The following VTI1A variants were observed in gnomAD, a reference collection of about 807,000 sequenced individuals.
VTI1A encodes the protein vesicle transport through interaction with t-SNAREs homolog 1A.
A neutral mutation model predicts 34.9 loss-of-function variants in VTI1A; 22 were observed. That is an observed-to-expected ratio of 0.63 (90% CI 0.45 to 0.90). The LOEUF is 0.90. Ranked by LOEUF, VTI1A falls within the 40% of genes least tolerant of loss-of-function variation. The probability of loss-of-function intolerance (pLI) is 0.00; values close to 1 mark genes in which losing one functional copy is unlikely to be tolerated. For missense variants in VTI1A, 268 were observed against 275.6 expected (o/e 0.97, Z 0.20); for synonymous variants, 87 against 97.3 (o/e 0.89, Z 0.62).
chr10:112,719,321 CA>C (rs1849713107), intron 7 of VTI1A, among the ~76,000 whole-genome samples: 2 of 152,156 alleles, frequency 1.3e-5, no homozygotes, highest in South Asian at 4.1e-4. Flanking sequence ...ATGTACAAAG[CA>C]ATTATCCACA....
chr10:112,480,519 T>C (rs1017653384), intron 3 of VTI1A, among the ~76,000 whole-genome samples: 3 of 152,074 alleles, frequency 2.0e-5, no homozygotes, highest in Non-Finnish European at 4.4e-5. Context: ...CATATGTGTG[T>C]GTGTGCATGT....
intron 7 of VTI1A, among the ~76,000 whole-genome samples, chr10:112,696,437 A>G (rs1165136148): frequency 2.6e-5 from 4 of 152,136 alleles, no homozygotes; most frequent in Non-Finnish European, 4.4e-5. Context: ...ATTGTTTCAG[A>G]TTTCAGGATG....
At chr10:112,719,227 C>T (rs1849709651) in intron 7 of VTI1A, among the ~76,000 whole-genome samples, 1 of 152,118 alleles carries the variant, frequency 6.6e-6, no homozygotes, top group South Asian at 2.1e-4. Flanking sequence ...CTGCAATAGC[C>T]TTGTTTATTC....
At chr10:112,696,618 A>G (rs1324392781) in intron 7 of VTI1A, among the ~76,000 whole-genome samples, 3 of 152,226 alleles carry the variant, frequency 2.0e-5, no homozygotes, top group South Asian at 4.1e-4. Flanking sequence ...AAGAAAACCT[A>G]TGAGCAACTT....
chr10:112,689,745 G>A lies in VTI1A; in HGVS notation c.560+20747G>A, dbSNP rs116470655. On this transcript the variant is annotated intron_variant, in intron 7 of 7. Transcript: ENST00000393077. ...CTACAGATTTTTTTACTTTTGCTCTGCACAGTTTTTTTTTTAATTATTATT... is the reference window on the plus strand; with the variant it reads ...CTACAGATTTTTTTACTTTTGCTCTACACAGTTTTTTTTTTAATTATTATT... 5.8e-3 allele frequency among the ~76,000 whole-genome samples: 882 copies of A among 151,966 alleles called. 13 individuals carry two copies. Among genetic ancestry groups the A allele is most frequent in the African/African-American group, 0.02 (839 of 41,454 alleles).
Position 112,538,272 on chromosome 10 carries a change from GA to G in VTI1A, c.370del (p.Arg124GlyfsTer9). 1 of 1,613,396 alleles carries G rather than the reference GA, an allele frequency of 6.2e-7. No individual in the cohort carries two copies. On this transcript the variant is annotated frameshift_variant, in exon 5 of 8. Coordinates refer to ENST00000393077, the MANE Select transcript of VTI1A (RefSeq NM_145206.4). LOFTEE classifies it high-confidence loss of function. ...QRAHLLDNTE[R>X]LERSSRRLEA... ...GGGCACATCTGCTCGATAACACAGA[GA>G]GGCTGGAAAGGTCATCTCGGAGACT...
intron 1 of VTI1A, 36 bp downstream of exon 1, chr10:112,447,503 G>T (rs1267062835): frequency 3.1e-6 from 5 of 1,606,448 alleles, no homozygotes; most frequent in South Asian, 1.1e-5. Context: ...GGGTGCTGGG[G>T]AGAGCTGGGA....
At chr10:112,723,360 A>G (rs898238217) in intron 7 of VTI1A, among the ~76,000 whole-genome samples, 6 of 152,176 alleles carry the variant, frequency 3.9e-5, no homozygotes, top group African/African-American at 1.4e-4. Context: ...CAGCTCTAGA[A>G]CTTCCCGATG....
rs550964475 is a variant in VTI1A, at chr10:112,752,912, G to A, written c.561-62378G>A. ...TTTTTTACCAATGCCCTTTTTTTTT[G>A]TATGATAGAGGTCTATAATTTGTGG... On this transcript the variant is annotated intron_variant, in intron 7 of 7. Coordinates refer to ENST00000393077, the MANE Select transcript of VTI1A (RefSeq NM_145206.4). Among the ~76,000 whole-genome samples, 128 of 151,010 alleles carry A rather than the reference G, an allele frequency of 8.5e-4. 1 individual carries two copies. Among genetic ancestry groups the A allele is most frequent in the African/African-American group, 3.1e-3 (127 of 41,196 alleles).
intron 7 of VTI1A, chr10:112,737,897 T>G: frequency 9.4e-7 from 1 of 1,062,542 alleles, no homozygotes; most frequent in Non-Finnish European, 1.1e-6. Flanking sequence ...TTTCAGCGAG[T>G]GTGAGGGAGA....
chr10:112,749,892 A>T (rs1019520913), intron 7 of VTI1A, among the ~76,000 whole-genome samples: 19 of 152,204 alleles, frequency 1.2e-4, no homozygotes, highest in African/African-American at 4.6e-4. Context: ...GCAGTAGCAT[A>T]CTATATAGCT....
At chr10:112,848,144 C>A in the VTI1A span, among the ~76,000 whole-genome samples, 1 of 152,220 alleles carries the variant, frequency 6.6e-6, no homozygotes, top group African/African-American at 2.4e-5. Context: ...TTTGTTTCAA[C>A]AGGCTCTTCC....
chr10:112,491,960 T>G (rs1848838564), intron 3 of VTI1A, among the ~76,000 whole-genome samples: 1 of 152,208 alleles, frequency 6.6e-6, no homozygotes. Flanking sequence ...CTTTAGAAAC[T>G]ACTGATGCCT....
At chr10:112,604,685 A>G (rs1021221399) in intron 5 of VTI1A, among the ~76,000 whole-genome samples, 8 of 152,244 alleles carry the variant, frequency 5.3e-5, no homozygotes, top group Non-Finnish European at 1.0e-4. Flanking sequence ...ACTAGAAAAC[A>G]AAGGAATAAA....
At chr10:112,588,639 C>T (rs1844253686) in intron 5 of VTI1A, among the ~76,000 whole-genome samples, 1 of 152,186 alleles carries the variant, frequency 6.6e-6, no homozygotes, top group Non-Finnish European at 1.5e-5. Flanking sequence ...AGGCTCTTTC[C>T]TGAGTCTTAA....
intron 7 of VTI1A, among the ~76,000 whole-genome samples, chr10:112,748,595 CTT>C (rs746355549): frequency 3.3e-5 from 3 of 89,836 alleles, no homozygotes; most frequent in Admixed American, 1.1e-4. Context: ...ACCTGTTACT[CTT>C]TTTTTTTTTT....
intron 5 of VTI1A, among the ~76,000 whole-genome samples, chr10:112,610,891 C>T (rs1319186103): frequency 6.6e-6 from 1 of 151,990 alleles, no homozygotes; most frequent in East Asian, 1.9e-4. Context: ...TGCGCTCCAG[C>T]CTGGGCGACA....
At chr10:112,630,467 C>G (rs1025429535) in intron 5 of VTI1A, among the ~76,000 whole-genome samples, 2 of 152,134 alleles carry the variant, frequency 1.3e-5, no homozygotes, top group African/African-American at 4.8e-5. Flanking sequence ...TAGATATTTA[C>G]CTATATCATT....
chr10:112,833,612 A>G, the VTI1A span, among the ~76,000 whole-genome samples: 8 of 152,168 alleles, frequency 5.3e-5, no homozygotes, highest in Non-Finnish European at 1.0e-4. Context: ...CCATGTTACG[A>G]TGCAAATACC....
Sources: allele counts gnomAD v4.1 joint callset (sites outside exome capture counted in the v4.1 genomes callset), GRCh38; gene constraint gnomAD v4.1.1; transcripts MANE v1.5; gene names NCBI Gene and HGNC (gene_info 2026-07-23, HGNC 2026-07-21).